LONRF1: variants seen among roughly 807,000 people sequenced by gnomAD.
LONRF1 encodes LON peptidase N-terminal domain and ring finger 1.
Under a neutral mutation model 85.8 loss-of-function variants are expected in LONRF1, and 37 were observed. The ratio of observed to expected loss-of-function variants is 0.43; its 90% CI spans 0.33 to 0.57. LONRF1 has a LOEUF of 0.57. Ranked by LOEUF, LONRF1 falls within the 20% of genes least tolerant of loss-of-function variation. The pLI, the probability that LONRF1 is intolerant of heterozygous loss-of-function variation, is 0.04. For synonymous variants in LONRF1, 517 were observed against 390.1 expected, an observed-to-expected ratio of 1.33 and a Z score of -3.83; for missense variants, 1,036 against 978.0, an observed-to-expected ratio of 1.06 and a Z score of -0.79.
chr8:12,728,770 A>T, intron 10 of LONRF1, 131 bp downstream of exon 10: 2 of 965,988 alleles, frequency 2.1e-6, no homozygotes, highest in Non-Finnish European at 1.5e-6. Context: ...AACTTGGAGC[A>T]CATTCTCATC....
At position 12,754,717 on chromosome 8, in the gene LONRF1, C is replaced by G; in HGVS notation, c.704G>C (p.Cys235Ser). ...GCGGTCACCTGCTCGCAGCGCCTCG[C>G]AGGCGGCGGCCAGGGCCTCCCGGTA... ...GRYREALAAACEALRAEPSDL... is the reference protein window; with the variant it reads ...GRYREALAAASEALRAEPSDL... Residue 235 changes from cysteine to serine, a missense_variant, in exon 1 of 12, where the codon TGC (cysteine) becomes TCC (serine). Cys to Ser is a moderately radical substitution (Grantham distance 112, BLOSUM62 -1). Transcript: ENST00000398246. The G allele has an allele frequency of 2.2e-6, 3 of 1,392,920 alleles. No homozygotes were observed. Among genetic ancestry groups the G allele is most frequent in the Non-Finnish European group, 2.8e-6 (3 of 1,083,158 alleles). 86.3% of individuals were successfully genotyped at this position (1,392,920 alleles called of 1,614,324 possible).
At chr8:12,723,380 C>G (rs757055787) in intron 11 of LONRF1, 126 bp from the exon 12 acceptor site, 37 of 794,278 alleles carry the variant, frequency 4.7e-5, no homozygotes, top group Non-Finnish European at 6.7e-5. Context: ...CTCCAATGTC[C>G]TTAACAATTA....
intron 10 of LONRF1, chr8:12,727,238 G>C (rs1185724714): frequency 6.8e-6 from 1 of 147,334 alleles, no homozygotes; most frequent in Non-Finnish European, 1.5e-5. Flanking sequence ...ATGAAAAACG[G>C]AGCTGGCCAA....
In LONRF1 at chr8:12,755,325, G is replaced by A. The variant is rs972169819; in HGVS notation, c.96C>T (p.Gly32=). ...QGRGRFWEVG[G]GSGHRLERAA... The stretch of plus-strand genomic sequence containing the variant: ...CGCGCTCCAGCCGATGGCCGCTGCC[G>A]CCGCCCACTTCCCAGAACCGGCCTC... The change falls in exon 1 of 12, where the codon GGC becomes GGT. Residue 32 remains glycine (G), a synonymous_variant. Transcript: ENST00000398246. 15 of 1,254,240 alleles carry A rather than the reference G, an allele frequency of 1.2e-5. No homozygotes were observed. The African/African-American group carries it at 1.3e-4, about 11-fold the overall frequency. 77.7% of individuals were successfully genotyped at this position (1,254,240 alleles called of 1,614,324 possible). A position where few individuals can be genotyped will look rare whatever the true frequency, so the allele number is the denominator to read the frequency against.
chr8:12,735,617 G>A (rs933005049), intron 6 of LONRF1: 4 of 517,952 alleles, frequency 7.7e-6, no homozygotes, highest in African/African-American at 7.7e-5. Flanking sequence ...AAGGCCTAGA[G>A]CCAAGGGCCT....
At chr8:12,734,634 G>A (rs1379123705) in intron 7 of LONRF1, among the ~76,000 whole-genome samples, 2 of 152,120 alleles carry the variant, frequency 1.3e-5, no homozygotes, top group Admixed American at 6.5e-5. Flanking sequence ...ACTGATCACT[G>A]ACTCTACAAG....
chr8:12,745,581 G>A (rs183073135), intron 1 of LONRF1, among the ~76,000 whole-genome samples: 2 of 152,172 alleles, frequency 1.3e-5, no homozygotes, highest in African/African-American at 2.4e-5. Context: ...TGCTCTCTAC[G>A]TGACCTTGAG....
At position 12,754,974 on chromosome 8, in the gene LONRF1, C is replaced by G; in HGVS notation, c.447G>C (p.Arg149Ser). ...GHSYCRRCLR[R>S]ELRARCRLCR... ...AGAGGCGGCAGCGGGCGCGGAGTTC[C>G]CTCCGCAGGCAGCGGCGGCAGTAGC... The change falls in exon 1 of 12, where the codon AGG becomes AGC. Residue 149 changes from arginine (R) to serine (S), a missense_variant. Physicochemically the swap from Arg to Ser is moderately radical, Grantham distance 110. This residue lies in a region of LONRF1 where 742 missense variants were observed against 614.4 expected (regional missense o/e 1.21). Transcript: ENST00000398246. The G allele has an allele frequency of 6.7e-7, 1 of 1,492,032 alleles. No individual in the cohort carries two copies. 92.4% of individuals were successfully genotyped at this position (1,492,032 alleles called of 1,614,324 possible). A position where few individuals can be genotyped will look rare whatever the true frequency, so the allele number is the denominator to read the frequency against.
rs1374651533 is a variant in LONRF1, at chr8:12,754,766, C to T, written c.655G>A (p.Gly219Arg). The T allele has an allele frequency of 6.8e-7, 1 of 1,470,752 alleles. No individual in the cohort carries two copies. The allele number at this position is 1,470,752 out of a possible 1,614,324, so 91.1% of individuals were successfully genotyped here. Residue 219 changes from glycine (G) to arginine (R), a missense_variant, in exon 1 of 12, where the codon GGG becomes AGG. Transcript: ENST00000398246. ...TAGCGCCCCTGGTGCAGTAGCTCCC[C>T]GAGCCTGCCGGCCGCCCGGGCCCGC... ...RERARAAGRL[G>R]ELLHQGRYRE...
At chr8:12,736,675 T>A in intron 6 of LONRF1, 26 bp downstream of exon 6, 1 of 1,452,608 alleles carries the variant, frequency 6.9e-7, no homozygotes, top group East Asian at 2.3e-5. Context: ...AAAATATTCA[T>A]CTTCTATAAA....
At chr8:12,730,115 A>G (rs1204624079) in intron 8 of LONRF1, among the ~76,000 whole-genome samples, 3 of 152,218 alleles carry the variant, frequency 2.0e-5, no homozygotes, top group African/African-American at 4.8e-5. Flanking sequence ...GTGGATAGTA[A>G]CCAAATTGTA....
At chr8:12,739,596 A>C (rs1179505672) in intron 3 of LONRF1, among the ~76,000 whole-genome samples, 2 of 152,184 alleles carry the variant, frequency 1.3e-5, no homozygotes, top group Non-Finnish European at 2.9e-5. Flanking sequence ...CTGACGTGTA[A>C]AATCCATGCA....
intron 8 of LONRF1, among the ~76,000 whole-genome samples, chr8:12,729,760 G>C (rs1263008750): frequency 6.6e-6 from 1 of 152,114 alleles, no homozygotes; most frequent in Admixed American, 6.5e-5. Flanking sequence ...CCACAACAAA[G>C]AGCAAATACT....
intron 1 of LONRF1, 128 bp downstream of exon 1, chr8:12,754,572 A>T (rs2128791960): frequency 1.8e-6 from 2 of 1,086,068 alleles, no homozygotes; most frequent in South Asian, 4.2e-5. Flanking sequence ...GAGACCCGAC[A>T]CGCCAGCGGC....
chr8:12,724,076 A>T (rs978926747), intron 11 of LONRF1, among the ~76,000 whole-genome samples: 4 of 152,224 alleles, frequency 2.6e-5, no homozygotes, highest in Non-Finnish European at 5.9e-5. Flanking sequence ...AGGCCCCTCT[A>T]GAATCAGATT....
At chr8:12,741,018 A>G in intron 2 of LONRF1, 22 bp from the exon 3 acceptor site, 1 of 1,609,604 alleles carries the variant, frequency 6.2e-7, no homozygotes, top group East Asian at 2.2e-5. Context: ...GCAGATATAT[A>G]AAACCTTTGT....
At chr8:12,739,484 G>C (rs932514912) in intron 3 of LONRF1, among the ~76,000 whole-genome samples, 1 of 152,092 alleles carries the variant, frequency 6.6e-6, no homozygotes, top group Non-Finnish European at 1.5e-5. Context: ...GGGGATGGAG[G>C]ATTTACTGGA....
chr8:12,725,593 G>A, intron 11 of LONRF1, 134 bp downstream of exon 11: 1 of 771,152 alleles, frequency 1.3e-6, no homozygotes, highest in Non-Finnish European at 2.1e-6. Flanking sequence ...CAAAGATGAG[G>A]TGGGGCTGGT....
chr8:12,736,963 A>T lies in LONRF1; in HGVS notation c.1291T>A (p.Ser431Thr). ...EKGVLLKRKL[S>T]LLEQDVIVNE... The stretch of plus-strand genomic sequence containing the variant: ...ACAATCACATCCTGTTCTAAAAGAG[A>T]CAACTTTCTTTTCAGCAGAACACCT... Residue 431 changes from serine (S) to threonine (T), a missense_variant, in exon 5 of 12, where the codon TCT (serine) becomes ACT (threonine). By Grantham distance (58) the Ser-to-Thr change is moderately conservative. Transcript: ENST00000398246. The T allele has an allele frequency of 1.2e-6, 2 of 1,613,446 alleles. No individual in the cohort carries two copies. The highest frequency in any genetic ancestry group is 1.7e-6 in the Non-Finnish European group (2 of 1,179,658).
Sources: gnomAD v4.1 joint callset for allele counts (sites outside exome capture counted in the v4.1 genomes callset) on GRCh38, gnomAD v4.1.1 for gene constraint, gnomAD v4.1.1 regional missense constraint, MANE v1.5 for transcripts, NCBI Gene and HGNC (gene_info 2026-07-23, HGNC 2026-07-21) for gene names.